ULK4: variants seen among roughly 807,000 people sequenced by gnomAD.
ULK4 encodes the protein inactive serine/threonine-protein kinase ULK4.
ULK4 carries 133 observed loss-of-function variants against 160.6 expected under a neutral mutation model. The ratio of observed to expected loss-of-function variants is 0.83; its 90% confidence interval spans 0.72 to 0.96. The LOEUF is 0.96. Among genes scored for constraint, ULK4 ranks in the 40% least tolerant of loss-of-function variants. ULK4 has a pLI of 0.00. For missense variants in ULK4, 1,580 were observed against 1,499.5 expected (o/e 1.05, Z -0.89); for synonymous variants, 534 against 539.8 (o/e 0.99, Z 0.15).
chr3:41,900,626 GA>G (rs1229106097), intron 13 of ULK4, 98 bp downstream of exon 13: 66 of 976,764 alleles, frequency 6.8e-5, no homozygotes, highest in Middle Eastern at 2.3e-4. Context: ...AGAGAAACAG[GA>G]AAGATTATAC....
intron 32 of ULK4, among the ~76,000 whole-genome samples, chr3:41,469,993 G>C (rs1051982297): frequency 1.5e-4 from 12 of 79,044 alleles, no homozygotes; most frequent in Non-Finnish European, 2.8e-4. Context: ...CTATGCATAA[G>C]AGGAATTCAA....
rs1553646784 is a variant in ULK4, at chr3:41,353,501, C to CT, written c.3678+44577_3678+44578insA. On this transcript the variant is annotated intron_variant, in intron 35 of 36. Transcript: ENST00000301831. ...GCAACATAGCGAGAGCCCATTTCTA[C>CT]AAAAATTTTTTTAAAAATTAGCTGA... Among the ~76,000 whole-genome samples, 371 of 151,836 alleles carry CT rather than the reference C, an allele frequency of 2.4e-3. 1 individual carries two copies. Among genetic ancestry groups the CT allele is most frequent in the East Asian group, 0.016 (80 of 5,156 alleles).
At chr3:41,651,880 T>G (rs1002448117) in intron 30 of ULK4, among the ~76,000 whole-genome samples, 1 of 152,178 alleles carries the variant, frequency 6.6e-6, no homozygotes, top group African/African-American at 2.4e-5. Flanking sequence ...AAGCATGCAC[T>G]GAGTGACTCA....
intron 12 of ULK4, among the ~76,000 whole-genome samples, chr3:41,904,832 T>A (rs1350662400): frequency 1.3e-5 from 2 of 152,192 alleles, no homozygotes; most frequent in Non-Finnish European, 2.9e-5. Flanking sequence ...ACAACTATGA[T>A]TGAAAGAAAT....
intron 25 of ULK4, among the ~76,000 whole-genome samples, chr3:41,708,442 T>C (rs1413225559): frequency 6.6e-6 from 1 of 152,112 alleles, no homozygotes; most frequent in East Asian, 1.9e-4. Flanking sequence ...ACAAATATCA[T>C]GTGGTCTCAC....
intron 34 of ULK4, among the ~76,000 whole-genome samples, chr3:41,454,539 C>CAA (rs11286615): frequency 6.3e-4 from 57 of 90,930 alleles, no homozygotes; most frequent in African/African-American, 1.8e-3. Flanking sequence ...GACTTCATCT[C>CAA]AAAAAAAAAA....
chr3:41,547,587 G>T (rs113186986), intron 32 of ULK4, among the ~76,000 whole-genome samples: 38 of 152,244 alleles, frequency 2.5e-4, no homozygotes, highest in African/African-American at 8.9e-4. Flanking sequence ...TGGAGTCCAG[G>T]CAATGGCACC....
rs563916812 is a variant in ULK4 at position 41,772,490 on chromosome 3, G to A, written c.2193+17171C>T. On this transcript the variant is annotated intron_variant, in intron 21 of 36. Transcript: ENST00000301831. Reference sequence around the variant, plus strand: ...TCTAGAAGAAATGGATAAATTCCTCGACACATACACCCTCCCAAGACTAAA... The same window carrying A: ...TCTAGAAGAAATGGATAAATTCCTCAACACATACACCCTCCCAAGACTAAA... Among the ~76,000 whole-genome samples the A allele has an allele frequency of 1.1e-4, 17 of 152,100 alleles. No individual in the cohort carries two copies. The South Asian group carries it at 1.5e-3, about 13-fold the overall frequency.
At chr3:41,609,150 T>G (rs890438855) in intron 31 of ULK4, among the ~76,000 whole-genome samples, 6 of 152,218 alleles carry the variant, frequency 3.9e-5, no homozygotes, top group Admixed American at 3.3e-4. Context: ...TAGCTTTTTT[T>G]TTCATTGGGT....
chr3:41,397,892 T>C lies in ULK4; in HGVS notation c.3678+187A>G, dbSNP rs111683409. ...AATGGTTCAGAAAAAAGTATGTATA[T>C]ATGCAGATAAACAGTATATGACAAA... On this transcript the variant is annotated intron_variant, in intron 35 of 36. Transcript: ENST00000301831. Among the ~76,000 whole-genome samples, 518 of 152,294 alleles carry C rather than the reference T, an allele frequency of 3.4e-3. 2 individuals carry two copies. The highest frequency in any genetic ancestry group is 0.011 in the African/African-American group (477 of 41,562).
intron 35 of ULK4, among the ~76,000 whole-genome samples, chr3:41,356,100 T>G (rs1221344227): frequency 6.6e-6 from 1 of 152,210 alleles, no homozygotes; most frequent in Non-Finnish European, 1.5e-5. Context: ...TCATAGCCCT[T>G]GTAATTAAAT....
At chr3:41,332,253 C>T (rs2080460200) in intron 35 of ULK4, among the ~76,000 whole-genome samples, 1 of 151,862 alleles carries the variant, frequency 6.6e-6, no homozygotes. Flanking sequence ...GTTTCCATTT[C>T]AAAGCTTATC....
At chr3:41,805,396 G>A (rs1259348519) in intron 19 of ULK4, among the ~76,000 whole-genome samples, 1 of 152,128 alleles carries the variant, frequency 6.6e-6, no homozygotes, top group Non-Finnish European at 1.5e-5. Flanking sequence ...GAGACAATGG[G>A]GTTTTCTAAA....
At chr3:41,689,626 C>T (rs1451572710) in intron 27 of ULK4, among the ~76,000 whole-genome samples, 1 of 152,146 alleles carries the variant, frequency 6.6e-6, no homozygotes, top group Non-Finnish European at 1.5e-5. Context: ...AAAAAGTGGG[C>T]AAAGGACATG....
intron 29 of ULK4, among the ~76,000 whole-genome samples, chr3:41,675,068 C>G (rs970304740): frequency 6.6e-6 from 1 of 150,936 alleles, no homozygotes; most frequent in African/African-American, 2.4e-5. Flanking sequence ...GGTGAAACCC[C>G]GTATCTACTA....
At chr3:41,463,389 C>A in intron 32 of ULK4, 136 bp from the exon 33 acceptor site, 1 of 790,150 alleles carries the variant, frequency 1.3e-6, no homozygotes, top group Non-Finnish European at 1.9e-6. Flanking sequence ...TTATCAGATT[C>A]ACTGAGGAAA....
chr3:41,772,159 C>A (rs1361309863), intron 21 of ULK4, among the ~76,000 whole-genome samples: 1 of 152,144 alleles, frequency 6.6e-6, no homozygotes, highest in Non-Finnish European at 1.5e-5. Context: ...ATTAAAAGAA[C>A]TAGAGAAGCA....
intron 30 of ULK4, among the ~76,000 whole-genome samples, chr3:41,620,744 T>C (rs1158599433): frequency 2.0e-5 from 3 of 152,132 alleles, no homozygotes; most frequent in Non-Finnish European, 4.4e-5. Flanking sequence ...CTATTCAACA[T>C]AGTATTGGAA....
chr3:41,912,960 A>C, intron 8 of ULK4, 61 bp from the exon 9 acceptor site: 1 of 1,507,136 alleles, frequency 6.6e-7, no homozygotes, highest in Non-Finnish European at 9.2e-7. Flanking sequence ...AAAATTCCCA[A>C]GACATGTCCC....
Sources: allele counts gnomAD v4.1 joint callset (sites outside exome capture counted in the v4.1 genomes callset), GRCh38; gene constraint gnomAD v4.1.1; transcripts MANE v1.5; gene names NCBI Gene and HGNC (gene_info 2026-07-23, HGNC 2026-07-21).